The following PARG variants were observed in gnomAD, a reference collection of about 807,000 sequenced individuals.
PARG encodes the protein mitochondrial poly(ADP-ribose) glycohydrolase.
In PARG, 35 loss-of-function variants were observed where a neutral mutation model predicts 113.0. The ratio of observed to expected loss-of-function variants is 0.31; its 90% CI spans 0.24 to 0.41. The LOEUF (loss-of-function observed/expected upper bound fraction) is 0.41, where lower values mean the gene tolerates loss of function less well. PARG is among the 10% of genes least tolerant of loss of function. The probability of loss-of-function intolerance (pLI) is 1.00; values close to 1 mark genes in which losing one functional copy is unlikely to be tolerated. For missense variants in PARG, 797 were observed against 1,169.4 expected (o/e 0.68, Z 4.64); for synonymous variants, 330 against 409.9 (o/e 0.81, Z 2.36).
intron 16 of PARG, among the ~76,000 whole-genome samples, chr10:49,829,254 T>A (rs1436967539): frequency 3.3e-5 from 5 of 151,542 alleles, no homozygotes; most frequent in African/African-American, 1.2e-4. Flanking sequence ...AAAAAAAAAA[T>A]TTGCCTTCTT....
chr10:49,912,219 G>A (rs1475330183), intron 7 of PARG, among the ~76,000 whole-genome samples: 3 of 152,170 alleles, frequency 2.0e-5, no homozygotes, highest in Non-Finnish European at 4.4e-5. Flanking sequence ...AGAATTGCTT[G>A]AACCTGGGAG....
At chr10:49,831,539 C>G (rs563799144) in intron 16 of PARG, among the ~76,000 whole-genome samples, 1 of 152,036 alleles carries the variant, frequency 6.6e-6, no homozygotes, top group African/African-American at 2.4e-5. Flanking sequence ...ATTGCACATC[C>G]GGGAGTCAGG....
chr10:49,883,775 T>TG (rs1340797369), intron 8 of PARG, among the ~76,000 whole-genome samples: 2 of 141,774 alleles, frequency 1.4e-5, no homozygotes, highest in Non-Finnish European at 3.1e-5. Context: ...CATTCCAGCC[T>TG]GGGGGACAAG....
Position 49,827,997 on chromosome 10 carries a change from A to G in PARG, c.2647+4806T>C, listed in dbSNP as rs538179785. Among the ~76,000 whole-genome samples, 298 of 151,258 alleles carry G rather than the reference A, an allele frequency of 2.0e-3. 1 individual carries two copies. Among genetic ancestry groups the G allele is most frequent in the Non-Finnish European group, 2.1e-3 (145 of 67,854 alleles). Reference sequence around the variant, plus strand: ...GTGAGATAATTTTAAGTTATCTCCTAAAATTCTCACGGGTGCCTAGGGTCT... The same window carrying G: ...GTGAGATAATTTTAAGTTATCTCCTGAAATTCTCACGGGTGCCTAGGGTCT... On this transcript the variant is annotated intron_variant, in intron 16 of 17. Transcript: ENST00000616448.
chr10:49,863,016 A>G (rs1453652538), intron 11 of PARG, among the ~76,000 whole-genome samples: 5 of 151,330 alleles, frequency 3.3e-5, no homozygotes, highest in African/African-American at 1.2e-4. Context: ...TAGAAACTTT[A>G]TAGTATAGCT....
intron 13 of PARG, among the ~76,000 whole-genome samples, chr10:49,857,009 C>CAAAAAAAAAAAAAAAA (rs71270682): frequency 1.3e-5 from 1 of 74,630 alleles, no homozygotes; most frequent in Non-Finnish European, 2.5e-5. Context: ...ACCTCTGTCT[C>CAAAAAAAAAAAAAAAA]AAAAAAAAAA....
At chr10:49,923,089 T>G (rs1398359202) in intron 4 of PARG, among the ~76,000 whole-genome samples, 1 of 152,322 alleles carries the variant, frequency 6.6e-6, no homozygotes, top group East Asian at 1.9e-4. Context: ...CAAACAAATC[T>G]TAAACAACAC....
intron 8 of PARG, among the ~76,000 whole-genome samples, chr10:49,883,878 A>G (rs1554839943): frequency 1.3e-5 from 2 of 148,228 alleles, no homozygotes; most frequent in African/African-American, 4.9e-5. Context: ...AATGAACAGA[A>G]AAACAGCAGA....
At chr10:49,842,982 A>G (rs1434737891) in intron 14 of PARG, among the ~76,000 whole-genome samples, 1 of 152,042 alleles carries the variant, frequency 6.6e-6, no homozygotes, top group Non-Finnish European at 1.5e-5. Context: ...AAAACAAAAA[A>G]CCCCACAAGC....
Position 49,921,325 on chromosome 10 carries a change from A to C in PARG, c.1662+1011T>G, listed in dbSNP as rs536341616. Among the ~76,000 whole-genome samples, 373 of 152,300 alleles carry C rather than the reference A, an allele frequency of 2.4e-3. 2 individuals are homozygous for C. The highest frequency in any genetic ancestry group is 2.1e-3 in the Non-Finnish European group (142 of 68,036). On this transcript the variant is annotated intron_variant, in intron 6 of 17. Coordinates refer to ENST00000616448, the MANE Select transcript of PARG (RefSeq NM_003631.5). ...CCTGATTTTTAACAAACCATTAATA[A>C]TTCTAATGATAATCTCTATTTTGTT...
At chr10:49,905,006 G>A (rs1434793637) in intron 7 of PARG, among the ~76,000 whole-genome samples, 2 of 152,218 alleles carry the variant, frequency 1.3e-5, no homozygotes, top group Admixed American at 6.5e-5. Context: ...GCACTAACCA[G>A]GCAGCAGGGA....
chr10:49,859,682 T>C, intron 12 of PARG, among the ~76,000 whole-genome samples: 1 of 152,162 alleles, frequency 6.6e-6, no homozygotes, highest in Non-Finnish European at 1.5e-5. Flanking sequence ...TACTTGATAA[T>C]GATGATGAAA....
Position 49,819,329 on chromosome 10 carries a change from C to T in PARG, c.*11G>A, listed in dbSNP as rs747625495. On this transcript the variant is annotated 3_prime_UTR_variant, in exon 18 of 18. Transcript: ENST00000616448. ...GTGGGAGGTGGGAGGAGATGCTATT[C>T]GCTCGGCTCCTCAGGTCCCTGTCCT... is the stretch of plus-strand genomic sequence containing the variant. 3.2e-6 allele frequency: 5 copies of T among 1,547,656 alleles called. No individual in the cohort carries two copies. The highest frequency in any genetic ancestry group is 2.4e-5 in the South Asian group (2 of 83,388).
At chr10:49,920,615 C>CGTATATATATACAT (rs1837810835) in intron 6 of PARG, among the ~76,000 whole-genome samples, 1 of 141,746 alleles carries the variant, frequency 7.1e-6, no homozygotes, top group Non-Finnish European at 1.5e-5. Flanking sequence ...TACATATATA[C>CGTATATATATACAT]GTATATATAT....
chr10:49,881,581 TG>T (rs1847217796), intron 8 of PARG, among the ~76,000 whole-genome samples: 2 of 152,102 alleles, frequency 1.3e-5, no homozygotes, highest in Admixed American at 6.5e-5. Context: ...CAAACTGTCC[TG>T]ATCATACCTC....
intron 7 of PARG, among the ~76,000 whole-genome samples, chr10:49,896,157 GC>G (rs1848076369): frequency 6.6e-6 from 1 of 152,142 alleles, no homozygotes; most frequent in Non-Finnish European, 1.5e-5. Context: ...GGGTGTTCTT[GC>G]TTTTCCCCCA....
intron 13 of PARG, among the ~76,000 whole-genome samples, chr10:49,845,102 G>T (rs937884424): frequency 1.3e-5 from 2 of 152,058 alleles, no homozygotes; most frequent in Non-Finnish European, 2.9e-5. Context: ...GAATAAAAAC[G>T]AATGACAACA....
rs1184881802 is a variant in PARG, at chr10:49,892,201, G to T, written c.1738-6906C>A. Among the ~76,000 whole-genome samples the T allele has an allele frequency of 2.6e-5, 4 of 152,028 alleles. No individual in the cohort carries two copies. In the East Asian group the frequency reaches 7.7e-4, roughly 29 times the overall value. On this transcript the variant is annotated intron_variant, in intron 7 of 17. Transcript: ENST00000616448. ...TTTTCTCACCAAATATGACAAAAAA[G>T]GCATTTTTTACATCACTAAAGGCAA...
chr10:49,887,587 T>G (rs1253716246), intron 7 of PARG, among the ~76,000 whole-genome samples: 1 of 152,204 alleles, frequency 6.6e-6, no homozygotes, highest in East Asian at 1.9e-4. Flanking sequence ...CTTAATGCCC[T>G]TAAAAGGCAT....
Sources: allele counts gnomAD v4.1 joint callset (sites outside exome capture counted in the v4.1 genomes callset), GRCh38; gene constraint gnomAD v4.1.1; transcripts MANE v1.5; gene names NCBI Gene and HGNC (gene_info 2026-07-23, HGNC 2026-07-21).